GLRX3: variants seen among roughly 807,000 people sequenced by gnomAD.
GLRX3 encodes the protein glutaredoxin 3, also known as glutaredoxin-3.
GLRX3 carries 22 observed loss-of-function variants against 49.5 expected under a neutral mutation model. The ratio of observed to expected loss-of-function variants is 0.44; its 90% confidence interval spans 0.32 to 0.63. The LOEUF (loss-of-function observed/expected upper bound fraction) is 0.63, where lower values mean the gene tolerates loss of function less well. Ranked by LOEUF, GLRX3 falls within the 30% of genes least tolerant of loss-of-function variation. GLRX3 has a pLI of 0.05. For missense variants in GLRX3, 385 were observed against 396.3 expected, an observed-to-expected ratio of 0.97 and a Z score of 0.24; for synonymous variants, 133 against 140.0, an observed-to-expected ratio of 0.95 and a Z score of 0.35.
rs1269127928 is a variant in GLRX3, at chr10:130,160,866, C to A, written c.347C>A (p.Ala116Glu). 2 of 1,608,900 alleles carry A rather than the reference C, an allele frequency of 1.2e-6. No homozygotes were observed. Among genetic ancestry groups the A allele is most frequent in the Non-Finnish European group, 1.7e-6 (2 of 1,175,382 alleles). Residue 116 changes from alanine (A) to glutamate (E), a missense_variant, in exon 4 of 11, where the codon GCA becomes GAA. Physicochemically the swap from Ala to Glu is moderately radical, Grantham distance 107. Transcript: ENST00000331244. Reference protein sequence around the residue: ...PELTKKVQRHASSGSFLPSAN... With the variant: ...PELTKKVQRHESSGSFLPSAN... ...TTGACCAAAAAAGTTCAGCGACATG[C>A]ATCTAGTGGCTCCTTCCTACCCAGC...
intron 2 of GLRX3, among the ~76,000 whole-genome samples, chr10:130,150,389 A>G (rs1862352554): frequency 6.6e-6 from 1 of 152,102 alleles, no homozygotes; most frequent in Admixed American, 6.6e-5. Flanking sequence ...TTACCATATC[A>G]TGTACTTCAG....
intron 2 of GLRX3, among the ~76,000 whole-genome samples, chr10:130,151,893 A>G (rs1862383867): frequency 6.6e-6 from 1 of 152,196 alleles, no homozygotes; most frequent in African/African-American, 2.4e-5. Flanking sequence ...GTCTTTGCAC[A>G]TGAGATGGGT....
chr10:130,171,043 G>A (rs1388472695), intron 7 of GLRX3, among the ~76,000 whole-genome samples: 2 of 151,942 alleles, frequency 1.3e-5, no homozygotes, highest in African/African-American at 2.4e-5. Flanking sequence ...CAGGAGAATC[G>A]CTTGAACCTG....
intron 1 of GLRX3, among the ~76,000 whole-genome samples, chr10:130,138,503 G>C (rs1862109734): frequency 6.6e-6 from 1 of 152,218 alleles, no homozygotes; most frequent in Admixed American, 6.5e-5. Context: ...CTAATGGTTA[G>C]AAATGCTTTA....
chr10:130,161,326 A>G (rs77400130), intron 4 of GLRX3, among the ~76,000 whole-genome samples: 2,900 of 152,320 alleles, frequency 0.019, 106 homozygotes, highest in African/African-American at 0.067. Flanking sequence ...GGTTCCAACT[A>G]CCATATTGCT....
intron 1 of GLRX3, among the ~76,000 whole-genome samples, chr10:130,137,333 T>G (rs1259095606): frequency 6.6e-6 from 1 of 152,208 alleles, no homozygotes; most frequent in East Asian, 1.9e-4. Flanking sequence ...AGTAAATGCT[T>G]ACTAGCGTGC....
intron 10 of GLRX3, among the ~76,000 whole-genome samples, chr10:130,177,193 A>G (rs2134933142): frequency 6.6e-6 from 1 of 152,344 alleles, no homozygotes; most frequent in Admixed American, 6.5e-5. Flanking sequence ...TCTTTGGAGC[A>G]ATGAGCGTTT....
At chr10:130,162,429 T>C (rs1296449053) in intron 4 of GLRX3, among the ~76,000 whole-genome samples, 3 of 152,244 alleles carry the variant, frequency 2.0e-5, no homozygotes, top group African/African-American at 7.2e-5. Flanking sequence ...GCGTTTGTTA[T>C]TTTGTTTTTA....
chr10:130,137,158 C>G (rs1862072964), intron 1 of GLRX3, among the ~76,000 whole-genome samples: 1 of 152,220 alleles, frequency 6.6e-6, no homozygotes, highest in African/African-American at 2.4e-5. Context: ...TTGCCGGAGA[C>G]AGAGATTTCC....
chr10:130,149,000 G>A (rs896018965), intron 2 of GLRX3, among the ~76,000 whole-genome samples: 2 of 152,186 alleles, frequency 1.3e-5, no homozygotes, highest in Non-Finnish European at 2.9e-5. Context: ...AGAGGCTGCA[G>A]TGAGCTATGA....
chr10:130,168,800 G>A (rs185568489), intron 6 of GLRX3, among the ~76,000 whole-genome samples: 2 of 152,280 alleles, frequency 1.3e-5, no homozygotes, highest in Admixed American at 1.3e-4. Flanking sequence ...GTGACCCCAT[G>A]GGGCTTAGGT....
chr10:130,168,413 G>A (rs1037899170), intron 6 of GLRX3, among the ~76,000 whole-genome samples: 1 of 152,150 alleles, frequency 6.6e-6, no homozygotes, highest in African/African-American at 2.4e-5. Context: ...CGTGATTGAT[G>A]CATTTCATTT....
At chr10:130,179,304 T>C in intron 10 of GLRX3, 38 bp from the exon 11 acceptor site, 2 of 912,546 alleles carry the variant, frequency 2.2e-6, no homozygotes, top group Non-Finnish European at 3.6e-6. Context: ...TTTTTATATA[T>C]GCATATACAT....
chr10:130,174,193 G>GT (rs544655855), intron 8 of GLRX3, among the ~76,000 whole-genome samples: 5 of 152,240 alleles, frequency 3.3e-5, no homozygotes, highest in African/African-American at 1.2e-4. Flanking sequence ...TCTGAAATAA[G>GT]TTTAAGTGTG....
At chr10:130,155,080 T>G (rs1316919055) in intron 2 of GLRX3, among the ~76,000 whole-genome samples, 1 of 152,070 alleles carries the variant, frequency 6.6e-6, no homozygotes, top group Non-Finnish European at 1.5e-5. Flanking sequence ...CAAGCATTCT[T>G]CCCACCTTGG....
In GLRX3 at chr10:130,151,789, G is replaced by C. The variant is rs563154632; in HGVS notation, c.201+6470G>C. On this transcript the variant is annotated intron_variant, in intron 2 of 10. Transcript: ENST00000331244. ...GTCTATTATTGTTGGTTTAAAGTCT[G>C]TTTTATCAGAGACCAGGATTGCAAC... Among the ~76,000 whole-genome samples, 9 of 152,222 alleles carry C rather than the reference G, an allele frequency of 5.9e-5. No homozygotes were observed. In the East Asian group the frequency reaches 1.2e-3, roughly 20 times the overall value.
chr10:130,137,113 G>C (rs1242312031), intron 1 of GLRX3, among the ~76,000 whole-genome samples: 1 of 152,240 alleles, frequency 6.6e-6, no homozygotes, highest in African/African-American at 2.4e-5. Context: ...AAGTTTGTTG[G>C]ACAGCAGGTA....
intron 2 of GLRX3, among the ~76,000 whole-genome samples, chr10:130,147,917 C>T (rs1862298464): frequency 6.6e-6 from 1 of 152,120 alleles, no homozygotes; most frequent in Non-Finnish European, 1.5e-5. Flanking sequence ...TGTTGGTGTG[C>T]ACCTGTAGTC....
rs771380597 is a variant in GLRX3, at chr10:130,179,534, G to A, written c.*142G>A. On this transcript the variant is annotated 3_prime_UTR_variant, in exon 11 of 11. Transcript: ENST00000331244. ...CATGTTTTGTGTATTTCACAATGTC[G>A]TGCTAAATAAATGTATGTTACATTT... 3.3e-5 allele frequency: 21 copies of A among 628,096 alleles called. No individual in the cohort carries two copies. The highest frequency in any genetic ancestry group is 7.6e-5 in the South Asian group (4 of 52,406). 38.9% of individuals were successfully genotyped at this position (628,096 alleles called of 1,614,324 possible). A position where few individuals can be genotyped will look rare whatever the true frequency, so the allele number is the denominator to read the frequency against.
Sources: allele counts gnomAD v4.1 joint callset (sites outside exome capture counted in the v4.1 genomes callset), GRCh38; gene constraint gnomAD v4.1.1; transcripts MANE v1.5; gene names NCBI Gene and HGNC (gene_info 2026-07-23, HGNC 2026-07-21).